DOCK4: variants seen among roughly 807,000 people sequenced by gnomAD.
DOCK4 encodes dedicator of cytokinesis protein 4.
In DOCK4, 97 loss-of-function variants were observed where a neutral mutation model predicts 268.1. That is an observed-to-expected ratio of 0.36 (90% confidence interval 0.31 to 0.43). The LOEUF is 0.43. Among genes scored for constraint, DOCK4 ranks in the 20% least tolerant of loss-of-function variants. The probability of loss-of-function intolerance (pLI) is 1.00; values close to 1 mark genes in which losing one functional copy is unlikely to be tolerated. For synonymous variants in DOCK4, 954 were observed against 887.2 expected, an observed-to-expected ratio of 1.08 and a Z score of -1.34; for missense variants, 2,145 against 2,455.7, an observed-to-expected ratio of 0.87 and a Z score of 2.67.
chr7:111,795,250 G>C (rs186403219), intron 30 of DOCK4, among the ~76,000 whole-genome samples: 5 of 151,980 alleles, frequency 3.3e-5, no homozygotes, highest in Non-Finnish European at 7.4e-5. Context: ...GGAGGATCAC[G>C]GAAGCCCAAA....
intron 7 of DOCK4, among the ~76,000 whole-genome samples, chr7:111,979,276 T>C (rs1247364401): frequency 6.6e-6 from 1 of 152,174 alleles, no homozygotes; most frequent in African/African-American, 2.4e-5. Context: ...CTACAATCAC[T>C]GTATACTCAA....
chr7:112,205,549 T>C (rs1821329018), intron 1 of DOCK4, among the ~76,000 whole-genome samples: 1 of 152,012 alleles, frequency 6.6e-6, no homozygotes, highest in African/African-American at 2.4e-5. Context: ...GGGCTCAGCT[T>C]GTCAGAGCGG....
At chr7:112,000,427 G>T in intron 3 of DOCK4, 67 bp downstream of exon 3, 3 of 1,040,318 alleles carry the variant, frequency 2.9e-6, no homozygotes, top group Non-Finnish European at 2.8e-6. Flanking sequence ...ATTGTATAAA[G>T]AAATAATTTA....
chr7:111,819,145 T>C (rs1801787256), intron 27 of DOCK4, among the ~76,000 whole-genome samples: 1 of 152,182 alleles, frequency 6.6e-6, no homozygotes, highest in Non-Finnish European at 1.5e-5. Flanking sequence ...GCACACAAGA[T>C]AACCAAAATA....
chr7:112,018,885 G>A (rs1802089246), intron 1 of DOCK4, among the ~76,000 whole-genome samples: 1 of 152,150 alleles, frequency 6.6e-6, no homozygotes, highest in South Asian at 2.1e-4. Flanking sequence ...TTTCACAATA[G>A]GTTAATTAGG....
intron 52 of DOCK4, among the ~76,000 whole-genome samples, chr7:111,729,237 G>A (rs547927290): frequency 1.3e-5 from 2 of 152,166 alleles, no homozygotes; most frequent in East Asian, 1.9e-4. Context: ...TCAGTTCACC[G>A]CCCAGTTTAC....
chr7:111,913,444 C>G (rs1247815585), intron 13 of DOCK4, among the ~76,000 whole-genome samples: 1 of 144,602 alleles, frequency 6.9e-6, no homozygotes, highest in South Asian at 2.2e-4. Flanking sequence ...GAGTCTCGCT[C>G]TGTCGCCCAG....
intron 1 of DOCK4, among the ~76,000 whole-genome samples, chr7:112,064,496 G>T (rs1806742982): frequency 6.6e-6 from 1 of 152,180 alleles, no homozygotes; most frequent in Non-Finnish European, 1.5e-5. Context: ...CTGTATTAGA[G>T]TTTGCAGGGA....
At chr7:112,026,888 C>T (rs6466396) in intron 1 of DOCK4, among the ~76,000 whole-genome samples, 80,461 of 151,918 alleles carry the variant, frequency 0.53, 23,428 homozygotes, top group African/African-American at 0.79. Flanking sequence ...TGAACTTCCA[C>T]TGGAAATGCA....
intron 10 of DOCK4, among the ~76,000 whole-genome samples, chr7:111,941,699 C>T (rs1426744633): frequency 6.6e-6 from 1 of 151,852 alleles, no homozygotes; most frequent in African/African-American, 2.4e-5. Flanking sequence ...CTGCTAGCTC[C>T]TACAGTTTAC....
At chr7:112,034,635 T>C (rs566289831) in intron 1 of DOCK4, among the ~76,000 whole-genome samples, 68 of 152,226 alleles carry the variant, frequency 4.5e-4, no homozygotes, top group Non-Finnish European at 8.7e-4. Context: ...ATGCGGTGGC[T>C]CACGCCTGTA....
In DOCK4 at chr7:112,106,296, C is replaced by T. The variant is rs562478052; in HGVS notation, c.37+99806G>A. On this transcript the variant is annotated intron_variant, in intron 1 of 52. Coordinates refer to ENST00000428084, the MANE Select transcript of DOCK4 (RefSeq NM_001363540.2). ...CTCAAACAACTGGTATTCTAAACCA[C>T]GGATGAGGACAACTCTTAACACAGG... Among the ~76,000 whole-genome samples, 26 of 152,286 alleles carry T rather than the reference C, an allele frequency of 1.7e-4. No homozygotes were observed. In the South Asian group the frequency reaches 5.2e-3, roughly 30 times the overall value.
intron 27 of DOCK4, chr7:111,820,576 A>C (rs1801897626): frequency 6.6e-6 from 1 of 152,358 alleles, no homozygotes; most frequent in Non-Finnish European, 1.5e-5. Flanking sequence ...CATTTGTGTG[A>C]CCATAAAGTC....
intron 5 of DOCK4, among the ~76,000 whole-genome samples, chr7:111,993,452 G>A (rs933842163): frequency 4.6e-5 from 7 of 152,154 alleles, no homozygotes; most frequent in Non-Finnish European, 8.8e-5. Context: ...CCCCAGCTCA[G>A]CCATTTTCCC....
chr7:112,137,322 G>A (rs970914750), intron 1 of DOCK4, among the ~76,000 whole-genome samples: 1 of 152,130 alleles, frequency 6.6e-6, no homozygotes, highest in African/African-American at 2.4e-5. Context: ...CTGCACAACA[G>A]GGAACCTCAC....
intron 8 of DOCK4, among the ~76,000 whole-genome samples, chr7:111,958,756 G>T (rs753538559): frequency 4.6e-5 from 7 of 152,084 alleles, no homozygotes; most frequent in African/African-American, 1.7e-4. Flanking sequence ...TTACAACTTC[G>T]AAAACAACTA....
intron 36 of DOCK4, among the ~76,000 whole-genome samples, chr7:111,770,223 C>CAAAAAA (rs756689437): frequency 8.7e-5 from 6 of 69,328 alleles, no homozygotes; most frequent in South Asian, 4.9e-4. Flanking sequence ...GAGTGAAGAC[C>CAAAAAA]AAAAAAAAAA....
At chr7:111,958,414 G>A (rs923734323) in intron 8 of DOCK4, among the ~76,000 whole-genome samples, 1 of 152,116 alleles carries the variant, frequency 6.6e-6, no homozygotes, top group Non-Finnish European at 1.5e-5. Flanking sequence ...AGGGAACTTA[G>A]GAAAACTAAA....
intron 1 of DOCK4, among the ~76,000 whole-genome samples, chr7:112,115,628 C>G (rs960653351): frequency 7.7e-6 from 1 of 130,014 alleles, no homozygotes; most frequent in Non-Finnish European, 1.6e-5. Flanking sequence ...TATCAATCCA[C>G]CCATTCATCC....
Sources: gnomAD v4.1 joint callset for allele counts (sites outside exome capture counted in the v4.1 genomes callset) on GRCh38, gnomAD v4.1.1 for gene constraint, MANE v1.5 for transcripts, NCBI Gene and HGNC (gene_info 2026-07-23, HGNC 2026-07-21) for gene names.